CA10: variants seen among roughly 807,000 people sequenced by gnomAD.
CA10 encodes carbonic anhydrase-related protein 10.
In CA10, 14 loss-of-function variants were observed where a neutral mutation model predicts 44.2. That is an observed-to-expected ratio of 0.32 (90% CI 0.21 to 0.50). CA10 has a LOEUF of 0.50. Among genes scored for constraint, CA10 ranks in the 20% least tolerant of loss-of-function variants. The pLI is 0.99. For missense variants in CA10, 350 were observed against 409.7 expected (o/e 0.85, Z 1.26); for synonymous variants, 159 against 141.6 (o/e 1.12, Z -0.87).
At chr17:51,691,381 ACTGT>A (rs1195836151) in intron 4 of CA10, among the ~76,000 whole-genome samples, 1 of 152,180 alleles carries the variant, frequency 6.6e-6, no homozygotes, top group African/African-American at 2.4e-5. Context: ...CATTTTGAGA[ACTGT>A]CTGTTCCAAT....
At chr17:51,658,488 C>T (rs1279305200) in intron 4 of CA10, among the ~76,000 whole-genome samples, 1 of 152,160 alleles carries the variant, frequency 6.6e-6, no homozygotes, top group Non-Finnish European at 1.5e-5. Flanking sequence ...GGTAGGCTAA[C>T]ATTTGAGCTG....
chr17:51,913,131 G>A (rs1981855225), intron 3 of CA10, among the ~76,000 whole-genome samples: 1 of 152,152 alleles, frequency 6.6e-6, no homozygotes, highest in African/African-American at 2.4e-5. Flanking sequence ...CCGTGCACAG[G>A]GAGTTAAGTC....
Position 51,671,669 on chromosome 17 carries a change from G to A in CA10, c.466-17933C>T, listed in dbSNP as rs948407814. Among the ~76,000 whole-genome samples, 3 of 152,242 alleles carry A rather than the reference G, an allele frequency of 2.0e-5. No homozygotes were observed. The East Asian group carries it at 5.8e-4, about 29-fold the overall frequency. On this transcript the variant is annotated intron_variant, in intron 4 of 8. Coordinates refer to ENST00000451037, the MANE Select transcript of CA10 (RefSeq NM_020178.5). ...TCCGCCTGCCTCGGCCTCCAAAAGT[G>A]CTGGGATTACAGGCATGAGCCACCA...
At chr17:51,841,227 T>G (rs1319961551) in intron 3 of CA10, among the ~76,000 whole-genome samples, 1 of 152,282 alleles carries the variant, frequency 6.6e-6, no homozygotes, top group African/African-American at 2.4e-5. Context: ...ATAGTTGCCA[T>G]CTTCAGTCCG....
chr17:52,023,905 A>G (rs956411281), intron 2 of CA10, among the ~76,000 whole-genome samples: 1 of 152,046 alleles, frequency 6.6e-6, no homozygotes, highest in African/African-American at 2.4e-5. Context: ...TAAAATTTTT[A>G]CTTTTATCTT....
intron 3 of CA10, among the ~76,000 whole-genome samples, chr17:51,839,436 T>G (rs1464673366): frequency 7.8e-6 from 1 of 128,352 alleles, no homozygotes; most frequent in Non-Finnish European, 1.5e-5. Context: ...GAGCTTGCAG[T>G]GAGCCCAGAT....
intron 2 of CA10, among the ~76,000 whole-genome samples, chr17:51,994,144 A>G (rs1054765727): frequency 2.6e-5 from 4 of 152,042 alleles, no homozygotes; most frequent in African/African-American, 9.7e-5. Flanking sequence ...GATATTGTCC[A>G]GGTTCCGACT....
At chr17:51,959,797 G>GAAAAAAAAAAAAAAAAAAGAAAAAA (rs3062037) in intron 2 of CA10, among the ~76,000 whole-genome samples, 2 of 112,376 alleles carry the variant, frequency 1.8e-5, no homozygotes, top group Non-Finnish European at 1.8e-5. Context: ...CTGCTAAGAT[G>GAAAAAAAAAAAAAAAAAAGAAAAAA]AAAAAAAAAA....
At chr17:52,078,089 G>A (rs1174998641) in intron 1 of CA10, among the ~76,000 whole-genome samples, 1 of 152,206 alleles carries the variant, frequency 6.6e-6, no homozygotes, top group Non-Finnish European at 1.5e-5. Context: ...TCTGGCCTGT[G>A]AGTAGATCCC....
At chr17:51,645,136 C>T (rs1031039183) in intron 6 of CA10, among the ~76,000 whole-genome samples, 1 of 152,048 alleles carries the variant, frequency 6.6e-6, no homozygotes, top group African/African-American at 2.4e-5. Flanking sequence ...TATTTCTCAC[C>T]ATCTCCCTGC....
chr17:51,862,158 A>C (rs1393406915), intron 3 of CA10, among the ~76,000 whole-genome samples: 2 of 152,204 alleles, frequency 1.3e-5, no homozygotes, highest in Non-Finnish European at 2.9e-5. Context: ...GGTAAATTTC[A>C]ACTCCTTGAA....
intron 1 of CA10, among the ~76,000 whole-genome samples, chr17:52,140,123 T>C (rs1308070699): frequency 6.6e-6 from 1 of 152,040 alleles, no homozygotes; most frequent in Non-Finnish European, 1.5e-5. Context: ...ATACAGAAAT[T>C]TGGGGAGTGA....
intron 4 of CA10, among the ~76,000 whole-genome samples, chr17:51,717,123 AT>A (rs1173229010): frequency 2.0e-5 from 3 of 152,022 alleles, no homozygotes; most frequent in Admixed American, 6.6e-5. Flanking sequence ...TGCTAGGGGA[AT>A]TTTTTTGTTC....
rs1987621618 is a variant in CA10, at chr17:52,069,415, C to T, written c.136+2904G>A. On this transcript the variant is annotated intron_variant, in intron 2 of 8. Coordinates refer to ENST00000451037, the MANE Select transcript of CA10 (RefSeq NM_020178.5). ...TGTGCAAGCATAGTCAGGGCTCTGC[C>T]TGCAAGACAGACTCTAGTTGTGGGT... Among the ~76,000 whole-genome samples, 4 of 152,128 alleles carry T rather than the reference C, an allele frequency of 2.6e-5. No homozygotes were observed. In the South Asian group the frequency reaches 8.3e-4, roughly 32 times the overall value.
chr17:52,002,238 T>A (rs1039759464), intron 2 of CA10, among the ~76,000 whole-genome samples: 17 of 151,012 alleles, frequency 1.1e-4, no homozygotes, highest in South Asian at 6.3e-4. Context: ...AAAAAAAAAA[T>A]AAAAAACATG....
chr17:52,079,017 T>C (rs778941571), intron 1 of CA10, among the ~76,000 whole-genome samples: 1 of 152,222 alleles, frequency 6.6e-6, no homozygotes, highest in Non-Finnish European at 1.5e-5. Context: ...CCGGGTGTGG[T>C]GGCTTACTCC....
rs552573045 is a variant in CA10, at chr17:52,133,246, T to C, written c.61+24480A>G. Among the ~76,000 whole-genome samples the C allele has an allele frequency of 5.9e-5, 9 of 152,308 alleles. No individual in the cohort carries two copies. The South Asian group carries it at 1.9e-3, about 32-fold the overall frequency. Reference sequence around the variant, plus strand: ...ATGGTGCAAACCTCTAAGGTAAGCCTTGGAGCCTCCAGCGCCCCAGCGGTG... The same window carrying C: ...ATGGTGCAAACCTCTAAGGTAAGCCCTGGAGCCTCCAGCGCCCCAGCGGTG... On this transcript the variant is annotated intron_variant, in intron 1 of 8. Coordinates refer to ENST00000451037, the MANE Select transcript of CA10 (RefSeq NM_020178.5).
At chr17:51,874,818 T>A (rs780894583) in intron 3 of CA10, among the ~76,000 whole-genome samples, 15 of 152,064 alleles carry the variant, frequency 9.9e-5, no homozygotes, top group Non-Finnish European at 1.3e-4. Flanking sequence ...TCATATAGAG[T>A]GTCTGTTTTA....
chr17:52,120,173 G>T (rs928642545), intron 1 of CA10, among the ~76,000 whole-genome samples: 2 of 152,164 alleles, frequency 1.3e-5, no homozygotes, highest in African/African-American at 4.8e-5. Context: ...TTTTTGAGCT[G>T]CCCTTACCCA....
Sources: gnomAD v4.1 joint callset for allele counts (sites outside exome capture counted in the v4.1 genomes callset) on GRCh38, gnomAD v4.1.1 for gene constraint, MANE v1.5 for transcripts, NCBI Gene and HGNC (gene_info 2026-07-23, HGNC 2026-07-21) for gene names.